The following DDX1 variants were observed in gnomAD, a reference collection of about 807,000 sequenced individuals.
The protein encoded by DDX1 is ATP-dependent RNA helicase DDX1.
DDX1 carries 28 observed loss-of-function variants against 108.7 expected under a neutral mutation model. The ratio of observed to expected loss-of-function variants is 0.26; its 90% CI spans 0.19 to 0.35. The LOEUF (loss-of-function observed/expected upper bound fraction) is 0.35, where lower values mean the gene tolerates loss of function less well. Among genes scored for constraint, DDX1 ranks in the 10% least tolerant of loss-of-function variants. The pLI is 1.00. For missense variants in DDX1, 710 were observed against 884.5 expected (o/e 0.80, Z 2.50); for synonymous variants, 295 against 288.9 (o/e 1.02, Z -0.21).
At chr2:15,602,489 A>T in intron 6 of DDX1, 59 bp from the exon 7 acceptor site, 1 of 1,202,968 alleles carries the variant, frequency 8.3e-7, no homozygotes, top group South Asian at 1.2e-5. Context: ...GGGGGTGGGA[A>T]TGTATGATTT....
Position 15,630,868 on chromosome 2 carries a change from C to G in DDX1, c.2185C>G (p.Leu729Val), listed in dbSNP as rs759681065. 6.2e-7 allele frequency: 1 copy of G among 1,614,100 alleles called. No individual in the cohort carries two copies. Among genetic ancestry groups the G allele is most frequent in the Non-Finnish European group, 8.5e-7 (1 of 1,179,972 alleles). Residue 729 changes from leucine (L) to valine (V), a missense_variant, in exon 26 of 26, where the codon CTT (leucine) becomes GTT (valine). Leu to Val is a conservative substitution (Grantham distance 32). Coordinates refer to ENST00000233084, the MANE Select transcript of DDX1 (RefSeq NM_004939.3). Reference protein sequence around the residue: ...EKEAQTSFLHLGYLPNQLFRT... With the variant: ...EKEAQTSFLHVGYLPNQLFRT... Reference sequence around the variant, plus strand: ...GGAGGCGCAGACATCTTTCCTGCATCTTGGCTACCTTCCTAACCAGCTGTT... The same window carrying G: ...GGAGGCGCAGACATCTTTCCTGCATGTTGGCTACCTTCCTAACCAGCTGTT...
Position 15,607,190 on chromosome 2 carries a change from C to T in DDX1, c.833C>T (p.Thr278Ile), listed in dbSNP as rs1447685055. 2 of 1,613,972 alleles carry T rather than the reference C, an allele frequency of 1.2e-6. No homozygotes were observed. Among genetic ancestry groups the T allele is most frequent in the Admixed American group, 1.7e-5 (1 of 60,020 alleles). ...KSQHSGNAQV[T>I]QTKFLPNAPK... ...ATTCCCTAAGGTAATGCACAGGTGA[C>T]ACAAACAAAGTTTCTCCCCAATGCT... is the stretch of plus-strand genomic sequence containing the variant. Residue 278 changes from threonine to isoleucine, a missense_variant, in exon 13 of 26, where the codon ACA (threonine) becomes ATA (isoleucine). Thr to Ile is a moderately conservative substitution (Grantham distance 89). Around this residue, in one of 3 missense-constraint regions of DDX1, gnomAD observed 661 missense variants for 810.2 expected, o/e 0.82. Coordinates refer to ENST00000233084, the MANE Select transcript of DDX1 (RefSeq NM_004939.3).
chr2:15,628,757 A>G, intron 22 of DDX1, 40 bp from the exon 23 acceptor site: 1 of 1,613,188 alleles, frequency 6.2e-7, no homozygotes, highest in East Asian at 2.2e-5. Flanking sequence ...TGTATGCTTT[A>G]GGAATAAAGT....
chr2:15,606,305 A>C, intron 12 of DDX1, 41 bp downstream of exon 12: 1 of 1,431,170 alleles, frequency 7.0e-7, no homozygotes, highest in Non-Finnish European at 9.8e-7. Flanking sequence ...GAATAGTGAG[A>C]ATAATTGATG....
intron 14 of DDX1, among the ~76,000 whole-genome samples, chr2:15,615,085 TTCTC>T (rs948310434): frequency 1.2e-4 from 18 of 152,356 alleles, no homozygotes; most frequent in Admixed American, 5.9e-4. Flanking sequence ...TTATCTGTTC[TTCTC>T]TCTGTCTTAC....
At chr2:15,617,423 T>C in intron 15 of DDX1, 81 bp downstream of exon 15, 1 of 753,546 alleles carries the variant, frequency 1.3e-6, no homozygotes, top group Non-Finnish European at 2.1e-6. Context: ...AGAAGAAATA[T>C]AATTCAGTCA....
At position 15,628,721 on chromosome 2, in the gene DDX1, A is replaced by G. The variant is rs199832049; in HGVS notation, c.1832+11A>G. 3,957 of 1,601,722 alleles carry G rather than the reference A, an allele frequency of 2.5e-3. 11 individuals are homozygous for G. Among genetic ancestry groups the G allele is most frequent in the Non-Finnish European group, 2.5e-3 (2,917 of 1,177,846 alleles). On this transcript the variant is annotated intron_variant, in intron 22 of 25. Transcript: ENST00000233084. Reference sequence around the variant, plus strand: ...AGGAAGAGCTGAAAGGTACTTCTGCAATTTTTTTTCCCCCATTTTTAAGCT... The same window carrying G: ...AGGAAGAGCTGAAAGGTACTTCTGCGATTTTTTTTCCCCCATTTTTAAGCT...
chr2:15,623,368 A>G (rs1484957459), intron 18 of DDX1, 68 bp from the exon 19 acceptor site: 5 of 1,494,488 alleles, frequency 3.3e-6, no homozygotes, highest in Non-Finnish European at 4.6e-6. Context: ...TGTGACTATA[A>G]TTATGTGTAT....
intron 3 of DDX1, among the ~76,000 whole-genome samples, chr2:15,596,471 T>G (rs1558450213): frequency 6.6e-6 from 1 of 152,128 alleles, no homozygotes; most frequent in Non-Finnish European, 1.5e-5. Flanking sequence ...TTCGGATACT[T>G]TTATAATAAT....
At chr2:15,629,893 C>T in intron 24 of DDX1, 97 bp from the exon 25 acceptor site, 1 of 1,243,768 alleles carries the variant, frequency 8.0e-7, no homozygotes, top group Admixed American at 2.4e-5. Flanking sequence ...TCCATTTATA[C>T]CAAGCATTCT....
chr2:15,629,054 T>C (rs1192804166), intron 23 of DDX1, among the ~76,000 whole-genome samples: 1 of 152,202 alleles, frequency 6.6e-6, no homozygotes, highest in African/African-American at 2.4e-5. Context: ...TTTTTCCAAC[T>C]AGCTTTATTG....
At chr2:15,611,749 C>G (rs1415867049) in intron 13 of DDX1, among the ~76,000 whole-genome samples, 2 of 93,192 alleles carry the variant, frequency 2.1e-5, no homozygotes, top group African/African-American at 5.6e-5. Flanking sequence ...CTGACCCCCC[C>G]ACCTCCCTCC....
chr2:15,611,925 C>A (rs1308665748), intron 13 of DDX1, among the ~76,000 whole-genome samples: 2 of 110,822 alleles, frequency 1.8e-5, no homozygotes, highest in Non-Finnish European at 3.5e-5. Context: ...CTGACCCCCC[C>A]ACCTTCCTCC....
At position 15,631,004 on chromosome 2, in the gene DDX1, C is replaced by A; in HGVS notation, c.*98C>A. 1.7e-6 allele frequency: 2 copies of A among 1,181,526 alleles called. No individual in the cohort carries two copies. The highest frequency in any genetic ancestry group is 2.4e-5 in the East Asian group (1 of 40,918). 73.2% of individuals were successfully genotyped at this position (1,181,526 alleles called of 1,614,324 possible). On this transcript the variant is annotated 3_prime_UTR_variant, in exon 26 of 26. Coordinates refer to ENST00000233084, the MANE Select transcript of DDX1 (RefSeq NM_004939.3). ...TTCCAAGCAGCAGTATTTATAGTAACGTAAGCTATTAATGCTAACTCTTGC... is the reference window on the plus strand; with the variant it reads ...TTCCAAGCAGCAGTATTTATAGTAAAGTAAGCTATTAATGCTAACTCTTGC...
In DDX1 at chr2:15,620,266, T is replaced by A; in HGVS notation, c.1265T>A (p.Ile422Lys). The A allele has an allele frequency of 6.2e-7, 1 of 1,614,108 alleles. No homozygotes were observed. The highest frequency in any genetic ancestry group is 8.5e-7 in the Non-Finnish European group (1 of 1,179,990). ...GATGTAAAGAAACTGTCCGAGAAGATAATGCATTTTCCTACATGGGTTGAC... is the reference window on the plus strand; with the variant it reads ...GATGTAAAGAAACTGTCCGAGAAGAAAATGCATTTTCCTACATGGGTTGAC... Reference protein sequence around the residue: ...SFDVKKLSEKIMHFPTWVDLK... With the variant: ...SFDVKKLSEKKMHFPTWVDLK... The change falls in exon 17 of 26, where the codon ATA becomes AAA. Residue 422 changes from isoleucine to lysine, a missense_variant. Around this residue, in one of 3 missense-constraint regions of DDX1, gnomAD observed 661 missense variants for 810.2 expected, o/e 0.82. Coordinates refer to ENST00000233084, the MANE Select transcript of DDX1 (RefSeq NM_004939.3).
At chr2:15,612,292 T>C (rs1376142451) in intron 13 of DDX1, among the ~76,000 whole-genome samples, 5 of 129,186 alleles carry the variant, frequency 3.9e-5, no homozygotes, top group African/African-American at 1.2e-4. Context: ...CCAGACGGGG[T>C]CGCGGCCGGG....
intron 5 of DDX1, 146 bp downstream of exon 5, chr2:15,597,617 G>A: frequency 3.3e-6 from 2 of 609,308 alleles, no homozygotes; most frequent in South Asian, 4.2e-5. Flanking sequence ...TGGAAACCAG[G>A]GATGCTAAAT....
At chr2:15,620,544 A>C (rs1208212247) in intron 17 of DDX1, 148 bp downstream of exon 17, 1 of 554,154 alleles carries the variant, frequency 1.8e-6, no homozygotes, top group East Asian at 3.0e-5. Context: ...TTTAAAAAGC[A>C]CTGAATAAGT....
At chr2:15,618,142 C>T (rs1473175729) in intron 15 of DDX1, 39 bp from the exon 16 acceptor site, 10 of 1,258,702 alleles carry the variant, frequency 7.9e-6, no homozygotes, top group Admixed American at 2.0e-5. Context: ...TTTTTCCATA[C>T]TGATTAAAAA....
Sources: allele counts gnomAD v4.1 joint callset (sites outside exome capture counted in the v4.1 genomes callset), GRCh38; gene constraint gnomAD v4.1.1; regional missense constraint gnomAD v4.1.1; transcripts MANE v1.5; gene names NCBI Gene and HGNC (gene_info 2026-07-23, HGNC 2026-07-21).